Variants in FGF13 observed in about 807,000 individuals in gnomAD.
FGF13 encodes fibroblast growth factor 13, also known as fibroblast growth factor homologous factor 2.
FGF13 carries 2 observed loss-of-function variants against 19.5 expected under a neutral mutation model. The ratio of observed to expected loss-of-function variants is 0.10; its 90% CI spans 0.04 to 0.32. FGF13 has a LOEUF of 0.32. FGF13 is among the 10% of genes least tolerant of loss of function. The pLI is 1.00. For missense variants in FGF13, 113 were observed against 192.7 expected (o/e 0.59, Z 2.45); for synonymous variants, 72 against 76.9 (o/e 0.94, Z 0.33).
chrX:138,647,409 C>T (rs1343095357), intron 3 of FGF13, among the ~76,000 whole-genome samples: 5 of 111,032 alleles, frequency 4.5e-5, no homozygotes, highest in Non-Finnish European at 7.5e-5. Context: ...AACAAGACAA[C>T]GGTTTCCTAT....
rs1032999706 is a variant in FGF13, at chrX:138,623,299, G to A, written c.*9551C>T. 14 of 111,299 alleles carry A rather than the reference G, an allele frequency of 1.3e-4. No homozygotes were observed. Among genetic ancestry groups the A allele is most frequent in the African/African-American group, 4.6e-4 (14 of 30,695 alleles). The allele number at this position is 111,299 out of a possible 1,213,427, so 9.2% of individuals were successfully genotyped here. The stretch of plus-strand genomic sequence containing the variant: ...AGTGTCCTTGTCTGGAATGGTATGA[G>A]AATAATGCTGGCTTCATAAAATGAG... On this transcript the variant is annotated 3_prime_UTR_variant, in exon 5 of 5. Coordinates refer to ENST00000315930, the MANE Select transcript of FGF13 (RefSeq NM_004114.5).
At chrX:139,102,500 T>C (rs750123833) in intron 1 of FGF13, among the ~76,000 whole-genome samples, 1 of 112,242 alleles carries the variant, frequency 8.9e-6, no homozygotes, top group Admixed American at 9.5e-5. Flanking sequence ...TCTGAGTCTG[T>C]TTCTTCTTTG....
chrX:138,682,454 G>T (rs775812061), intron 3 of FGF13, among the ~76,000 whole-genome samples: 1 of 111,735 alleles, frequency 8.9e-6, no homozygotes, highest in African/African-American at 3.2e-5. Context: ...TCAGAGGGGT[G>T]TGTGTGTGTG....
At position 138,620,974 on chromosome X, in the gene FGF13, A is replaced by C. The variant is rs905907637; in HGVS notation, c.*11876T>G. 1 of 111,937 alleles carries C rather than the reference A, an allele frequency of 8.9e-6. No individual in the cohort carries two copies. The highest frequency in any genetic ancestry group is 3.2e-5 in the African/African-American group (1 of 30,833). The allele number at this position is 111,937 out of a possible 1,213,427, so 9.2% of individuals were successfully genotyped here. A position where few individuals can be genotyped will look rare whatever the true frequency, so the allele number is the denominator to read the frequency against. ...ACACACCCAACATTGGATCACCTAAATATATAAAGCAGGTATTAATAGATA... is the reference window on the plus strand; with the variant it reads ...ACACACCCAACATTGGATCACCTAACTATATAAAGCAGGTATTAATAGATA... On this transcript the variant is annotated 3_prime_UTR_variant, in exon 5 of 5. Transcript: ENST00000315930.
intron 3 of FGF13, among the ~76,000 whole-genome samples, chrX:138,649,717 A>C (rs766088232): frequency 8.9e-6 from 1 of 112,402 alleles, no homozygotes; most frequent in African/African-American, 3.2e-5. Context: ...AAACATTTTC[A>C]GATGAGCCTA....
intron 1 of FGF13, among the ~76,000 whole-genome samples, chrX:138,899,480 G>T (rs997570530): frequency 2.7e-5 from 3 of 110,716 alleles, no homozygotes; most frequent in Non-Finnish European, 5.7e-5. Context: ...CAGCCATATC[G>T]GCACAATTCT....
At chrX:139,123,838 G>A (rs181111535) in intron 1 of FGF13, among the ~76,000 whole-genome samples, 10 of 112,259 alleles carry the variant, frequency 8.9e-5, no homozygotes, top group African/African-American at 1.6e-4. Context: ...TGCTGCCTTC[G>A]CAGGTGGTAA....
At chrX:138,978,553 C>T (rs1019218641) in intron 1 of FGF13, among the ~76,000 whole-genome samples, 1 of 112,466 alleles carries the variant, frequency 8.9e-6, no homozygotes, top group Non-Finnish European at 1.9e-5. Context: ...CGAGCCACCG[C>T]GCCCGGCCCC....
At chrX:138,668,534 G>C (rs2089578124) in intron 3 of FGF13, among the ~76,000 whole-genome samples, 1 of 110,064 alleles carries the variant, frequency 9.1e-6, no homozygotes, top group Non-Finnish European at 1.9e-5. Flanking sequence ...AGTTTAAAGA[G>C]CCATTAGTGA....
intron 3 of FGF13, among the ~76,000 whole-genome samples, chrX:138,689,433 AC>A (rs952278145): frequency 9.0e-6 from 1 of 111,271 alleles, no homozygotes; most frequent in African/African-American, 3.3e-5. Flanking sequence ...GACAGCAAGG[AC>A]CATGAGTGGT....
At chrX:138,781,837 C>T (rs1340808238) in intron 3 of FGF13, among the ~76,000 whole-genome samples, 2 of 111,762 alleles carry the variant, frequency 1.8e-5, no homozygotes, top group Middle Eastern at 4.6e-3. Context: ...ATACCAAAGC[C>T]GGGCAGAGAC....
At chrX:138,744,603 A>G (rs2090342416) in intron 3 of FGF13, among the ~76,000 whole-genome samples, 1 of 111,208 alleles carries the variant, frequency 9.0e-6, no homozygotes, top group African/African-American at 3.3e-5. Context: ...ATCCTGCTTG[A>G]CATTTTTTGG....
chrX:139,082,244 G>A (rs2083375409), intron 1 of FGF13, among the ~76,000 whole-genome samples: 1 of 110,898 alleles, frequency 9.0e-6, no homozygotes, highest in African/African-American at 3.3e-5. Context: ...CGCATGGCTG[G>A]CTCCACTTCT....
At chrX:139,115,246 AG>A (rs1221181669) in intron 1 of FGF13, among the ~76,000 whole-genome samples, 12 of 112,135 alleles carry the variant, frequency 1.1e-4, no homozygotes, top group African/African-American at 3.9e-4. Flanking sequence ...CAAATCTGCT[AG>A]TTGATTATCC....
intron 1 of FGF13, among the ~76,000 whole-genome samples, chrX:139,125,150 G>A (rs1468641183): frequency 8.9e-6 from 1 of 111,885 alleles, no homozygotes; most frequent in Non-Finnish European, 1.9e-5. Context: ...AATTATGGAA[G>A]TTAAGGGGGG....
At chrX:138,800,265 C>T (rs1012434968) in intron 3 of FGF13, among the ~76,000 whole-genome samples, 1 of 111,858 alleles carries the variant, frequency 8.9e-6, no homozygotes, top group Non-Finnish European at 1.9e-5. Flanking sequence ...GTAAGGCAAG[C>T]CTGGCGGTGA....
intron 1 of FGF13, among the ~76,000 whole-genome samples, chrX:139,201,008 A>G (rs1290255712): frequency 8.9e-6 from 1 of 112,310 alleles, no homozygotes. Flanking sequence ...GACTCAAACT[A>G]TATACACATC....
At chrX:139,039,731 T>C (rs973642662) in intron 1 of FGF13, among the ~76,000 whole-genome samples, 9 of 111,198 alleles carry the variant, frequency 8.1e-5, no homozygotes, top group Non-Finnish European at 1.7e-4. Context: ...TCATGGATAT[T>C]GTTTTTTTCA....
chrX:138,640,173 A>C lies in FGF13; in HGVS notation c.403-4518T>G, dbSNP rs184011129. On this transcript the variant is annotated intron_variant, in intron 3 of 4. Coordinates refer to ENST00000315930, the MANE Select transcript of FGF13 (RefSeq NM_004114.5). Reference sequence around the variant, plus strand: ...ATAATTCTTTGGAGGTTGAAATATCACTGACAAGAATAAAACATTTGAACC... The same window carrying C: ...ATAATTCTTTGGAGGTTGAAATATCCCTGACAAGAATAAAACATTTGAACC... Among the ~76,000 whole-genome samples the C allele has an allele frequency of 5.4e-5, 6 of 111,443 alleles. No homozygotes were observed. The Admixed American group carries it at 5.7e-4, about 11-fold the overall frequency.
Sources: gnomAD v4.1 joint callset for allele counts (sites outside exome capture counted in the v4.1 genomes callset) on GRCh38, gnomAD v4.1.1 for gene constraint, MANE v1.5 for transcripts, NCBI Gene and HGNC (gene_info 2026-07-23, HGNC 2026-07-21) for gene names.